Variants in DENND3 observed in about 807,000 individuals in gnomAD.
DENND3 encodes DENN domain-containing protein 3.
A neutral mutation model predicts 135.1 loss-of-function variants in DENND3; 88 were observed. The ratio of observed to expected loss-of-function variants is 0.65; its 90% CI spans 0.55 to 0.78. DENND3 has a LOEUF of 0.78. DENND3 is among the 30% of genes least tolerant of loss of function. The pLI is 0.00. For missense variants in DENND3, 1,392 were observed against 1,688.4 expected (o/e 0.82, Z 3.08); for synonymous variants, 693 against 712.3 (o/e 0.97, Z 0.43).
Position 141,175,249 on chromosome 8 carries a change from C to T in DENND3, c.2325C>T (p.Cys775=). 6.2e-7 allele frequency: 1 copy of T among 1,614,160 alleles called. No homozygotes were observed. The highest frequency in any genetic ancestry group is 2.2e-5 in the East Asian group (1 of 44,888). ...DPETFKDFYN[C]WKETEAEAQE... The stretch of plus-strand genomic sequence containing the variant: ...AAACATTCAAAGATTTCTACAACTG[C>T]TGGAAGGAGACGGAAGCAGAAGCCC... The change falls in exon 14 of 23, where the codon TGC becomes TGT. Residue 775 remains cysteine (C), a synonymous_variant. Transcript: ENST00000519811. This position sits in a 1 kb window ranked among gnomAD's most constrained non-coding sequence, Gnocchi z 5.4.
At chr8:141,192,689 A>AGCATCCCCG (rs769459084) in intron 22 of DENND3, 26 bp downstream of exon 22, 2 of 1,605,876 alleles carry the variant, frequency 1.2e-6, no homozygotes, top group Admixed American at 1.7e-5. Context: ...CGCCATCCCC[A>AGCATCCCCG]GCATCCCCGG....
intron 7 of DENND3, among the ~76,000 whole-genome samples, chr8:141,152,840 G>A (rs963827689): frequency 2.6e-5 from 4 of 152,172 alleles, no homozygotes; most frequent in Non-Finnish European, 4.4e-5. Flanking sequence ...TTCGCAAAGC[G>A]GCCGTGCCGT....
At chr8:141,170,842 CT>C (rs1821455639) in intron 13 of DENND3, among the ~76,000 whole-genome samples, 1 of 152,204 alleles carries the variant, frequency 6.6e-6, no homozygotes, top group African/African-American at 2.4e-5. Context: ...CCTCTGTGGC[CT>C]GGAGCGGCCT....
In DENND3 at chr8:141,144,233, A is replaced by G; in HGVS notation, c.709A>G (p.Ser237Gly). The change falls in exon 5 of 23, where the codon AGC becomes GGC. Residue 237 changes from serine to glycine, a missense_variant. Ser to Gly is a moderately conservative substitution (Grantham distance 56). Transcript: ENST00000519811. This position sits in a 1 kb window ranked among gnomAD's most constrained non-coding sequence, Gnocchi z 4.4. ...CGCTGCGAAGCTGTCTTTAATACCC[A>G]GCCCGCCACCTGGACCGCTCCATTT... The part of the protein sequence containing the change: ...DFAAKLSLIP[S>G]PPPGPLHLVF... 6.2e-7 allele frequency: 1 copy of G among 1,613,902 alleles called. No homozygotes were observed. Among genetic ancestry groups the G allele is most frequent in the Non-Finnish European group, 8.5e-7 (1 of 1,179,936 alleles).
rs534622682 is a variant in DENND3 at position 141,160,113 on chromosome 8, A to G, written c.1197-519A>G. ...GCCTGGGTGAAGTGTGCATAGTCCA[A>G]GTCGAGGCCCATGTGAGTCCATGTG... On this transcript the variant is annotated intron_variant, in intron 8 of 22. Coordinates refer to ENST00000519811, the MANE Select transcript of DENND3 (RefSeq NM_001352890.3). Among the ~76,000 whole-genome samples the G allele has an allele frequency of 2.0e-5, 3 of 151,944 alleles. No individual in the cohort carries two copies. In the South Asian group the frequency reaches 6.2e-4, roughly 32 times the overall value.
intron 17 of DENND3, 184 bp from the exon 18 acceptor site, chr8:141,184,955 C>G (rs1393002990): frequency 4.5e-6 from 3 of 663,466 alleles, no homozygotes; most frequent in African/African-American, 3.6e-5. Context: ...CCAGCTGCCC[C>G]CCTTGACTCT....
chr8:141,185,443 G>A (rs1001669129), intron 18 of DENND3, 165 bp downstream of exon 18: 16 of 886,850 alleles, frequency 1.8e-5, no homozygotes, highest in African/African-American at 5.0e-5. Flanking sequence ...CAAATTAAAT[G>A]TAAGCTTGTT....
At position 141,187,424 on chromosome 8, in the gene DENND3, C is replaced by T. The variant is rs528518739; in HGVS notation, c.3085-1562C>T. The stretch of plus-strand genomic sequence containing the variant: ...ATTTTGAGTAGAGATGGGGTTTCAC[C>T]GTGCTGCTCAGGCTGGTCTCAAACT... On this transcript the variant is annotated intron_variant, in intron 18 of 22. Coordinates refer to ENST00000519811, the MANE Select transcript of DENND3 (RefSeq NM_001352890.3). 1.7e-3 allele frequency among the ~76,000 whole-genome samples: 252 copies of T among 152,178 alleles called. 1 individual carries two copies. The highest frequency in any genetic ancestry group is 1.9e-3 in the Non-Finnish European group (128 of 68,004).
In DENND3 at chr8:141,144,576, G is replaced by A. The variant is rs2154612830; in HGVS notation, c.735+317G>A. ...TTGTAAACTAAAACGAAAATCCTAA[G>A]CCTCCCTACTGACTGAACAGGTTCC... On this transcript the variant is annotated intron_variant, in intron 5 of 22. Coordinates refer to ENST00000519811, the MANE Select transcript of DENND3 (RefSeq NM_001352890.3). This position sits in a 1 kb window ranked among gnomAD's most constrained non-coding sequence, Gnocchi z 4.4. Among the ~76,000 whole-genome samples, 1 of 152,116 alleles carries A rather than the reference G, an allele frequency of 6.6e-6. No individual in the cohort carries two copies. The highest frequency in any genetic ancestry group is 2.1e-4 in the South Asian group (1 of 4,822).
Position 141,151,638 on chromosome 8 carries a change from C to G in DENND3, c.875C>G (p.Thr292Arg). ...KVLQILTCIL[T>R]EQRIVFFSSD... ...CCTCAGATCCTGACATGCATCCTGA[C>G]GGAACAGCGGATCGTCTTCTTCTCC... Residue 292 changes from threonine (T) to arginine (R), a missense_variant, in exon 7 of 23, where the codon ACG (threonine) becomes AGG (arginine). Coordinates refer to ENST00000519811, the MANE Select transcript of DENND3 (RefSeq NM_001352890.3). 1 of 1,613,968 alleles carries G rather than the reference C, an allele frequency of 6.2e-7. No individual in the cohort carries two copies. Among genetic ancestry groups the G allele is most frequent in the Non-Finnish European group, 8.5e-7 (1 of 1,180,006 alleles).
At position 141,155,857 on chromosome 8, in the gene DENND3, C is replaced by T. The variant is rs767015412; in HGVS notation, c.1083C>T (p.Asp361=). 2.7e-5 allele frequency: 42 copies of T among 1,583,730 alleles called. No individual in the cohort carries two copies. Among genetic ancestry groups the T allele is most frequent in the South Asian group, 4.6e-5 (4 of 86,434 alleles). ...GATTCCTTGTTTTCTAGGAAGCCGA[C>T]GGTTTAGTTCTGATAAATATTGATC... ...DHFEEVSKEA[D]GLVLINIDHG... The change falls in exon 8 of 23, where the codon GAC becomes GAT. Residue 361 remains aspartate (D), a synonymous_variant. Coordinates refer to ENST00000519811, the MANE Select transcript of DENND3 (RefSeq NM_001352890.3).
rs1818799794 is a variant in DENND3 at position 141,151,558 on chromosome 8, CCT to C, written c.856-60_856-59del. On this transcript the variant is annotated intron_variant, in intron 6 of 22. Coordinates refer to ENST00000519811, the MANE Select transcript of DENND3 (RefSeq NM_001352890.3). ...CCTGGGCTGGGCAACACAGCGAGACCCTGTCTGTATTTTTTTTTTTTTTAAAA... is the reference window on the plus strand; with the variant it reads ...CCTGGGCTGGGCAACACAGCGAGACCGTCTGTATTTTTTTTTTTTTTAAAA... 2.0e-6 allele frequency: 3 copies of C among 1,478,558 alleles called. No individual in the cohort carries two copies. In the Admixed American group the frequency reaches 5.1e-5, roughly 25 times the overall value. 91.6% of individuals were successfully genotyped at this position (1,478,558 alleles called of 1,614,324 possible).
intron 5 of DENND3, chr8:141,150,289 C>T: frequency 7.8e-7 from 1 of 1,280,060 alleles, no homozygotes; most frequent in Non-Finnish European, 1.0e-6. Flanking sequence ...CCGCCAGGTC[C>T]AGCCGTGTCT....
intron 9 of DENND3, among the ~76,000 whole-genome samples, chr8:141,162,934 A>C (rs914535340): frequency 2.0e-5 from 3 of 152,168 alleles, no homozygotes; most frequent in Admixed American, 6.5e-5. Context: ...CAGACAAACA[A>C]ACACAGAGGT....
chr8:141,185,319 C>T (rs779377705), intron 18 of DENND3, 41 bp downstream of exon 18: 20 of 1,611,086 alleles, frequency 1.2e-5, no homozygotes, highest in South Asian at 5.5e-5. Context: ...TCTGAATTCA[C>T]GTGATTTCTG....
At position 141,166,734 on chromosome 8, in the gene DENND3, G is replaced by A. The variant is rs2048362; in HGVS notation, c.1753+345G>A. Among the ~76,000 whole-genome samples the A allele has an allele frequency of 0.016, 2,482 of 152,202 alleles. 61 individuals are homozygous for A. The highest frequency in any genetic ancestry group is 0.055 in the African/African-American group (2,303 of 41,506). On this transcript the variant is annotated intron_variant, in intron 12 of 22. Transcript: ENST00000519811. This position sits in a 1 kb window ranked among gnomAD's most constrained non-coding sequence, Gnocchi z 4.3. The stretch of plus-strand genomic sequence containing the variant: ...ACACGTGTGATAGGAGGCAGGGAGC[G>A]CACCAGGCACTTTCTAGAGCCGGAG...
chr8:141,136,630 C>T lies in DENND3; in HGVS notation c.224C>T (p.Thr75Ile), dbSNP rs368087460. Residue 75 changes from threonine (T) to isoleucine (I), a missense_variant, in exon 2 of 23, where the codon ACT becomes ATT. Physicochemically the swap from Thr to Ile is moderately conservative, Grantham distance 89. Coordinates refer to ENST00000519811, the MANE Select transcript of DENND3 (RefSeq NM_001352890.3). The stretch of plus-strand genomic sequence containing the variant: ...CAAATGGCCGGTGCCAACTGCGGCA[C>T]TCTCGGTAAAACCCGGATGCGCTCC... ...DSQMAGANCG[T>I]LGKTRMRSLR... The T allele has an allele frequency of 6.2e-6, 10 of 1,610,164 alleles. No individual in the cohort carries two copies. In the South Asian group the frequency reaches 8.9e-5, roughly 14 times the overall value.
chr8:141,191,342 C>T (rs768809143), intron 20 of DENND3: 14 of 152,246 alleles, frequency 9.2e-5, no homozygotes, highest in South Asian at 6.2e-4. Flanking sequence ...TCATCGCTGA[C>T]GTTCTGAGTA....
intron 14 of DENND3, chr8:141,176,274 A>T (rs1822327054): frequency 4.9e-6 from 1 of 205,570 alleles, no homozygotes; most frequent in Non-Finnish European, 9.1e-6. Flanking sequence ...AGTAAAAAAA[A>T]ACAAAAACAA....
Sources: allele counts gnomAD v4.1 joint callset (sites outside exome capture counted in the v4.1 genomes callset), GRCh38; gene constraint gnomAD v4.1.1; non-coding constraint Gnocchi (gnomAD v3.1); transcripts MANE v1.5; gene names NCBI Gene and HGNC (gene_info 2026-07-23, HGNC 2026-07-21).